ADRA1B: variants seen among roughly 807,000 people sequenced by gnomAD.
ADRA1B encodes alpha-1B adrenergic receptor.
In ADRA1B, 17 loss-of-function variants were observed where a neutral mutation model predicts 17.9. The observed-to-expected ratio is 0.95, with a 90% CI of 0.65 to 1.42. The LOEUF (loss-of-function observed/expected upper bound fraction) is 1.42. Ranked by LOEUF, ADRA1B falls within the 40% of genes most tolerant of loss-of-function variation. ADRA1B has a pLI of 0.00. For missense variants in ADRA1B, 681 were observed against 722.1 expected (o/e 0.94, Z 0.65); for synonymous variants, 366 against 327.6 (o/e 1.12, Z -1.27).
At chr5:159,874,455 T>A (rs924416839) in intron 1 of ADRA1B, among the ~76,000 whole-genome samples, 1 of 152,182 alleles carries the variant, frequency 6.6e-6, no homozygotes, top group Non-Finnish European at 1.5e-5. Context: ...ACCTTAACCT[T>A]CTTAGGTGTC....
chr5:159,955,321 G>A (rs1446291818), intron 1 of ADRA1B: 1 of 357,326 alleles, frequency 2.8e-6, no homozygotes, highest in Non-Finnish European at 3.9e-6. Context: ...GCCATCCAGG[G>A]GTCCAGACAT....
chr5:159,923,287 T>G (rs1754541658), intron 1 of ADRA1B, among the ~76,000 whole-genome samples: 1 of 152,284 alleles, frequency 6.6e-6, no homozygotes, highest in Non-Finnish European at 1.5e-5. Context: ...AAAGATACTG[T>G]CTGAATCGTG....
chr5:159,948,313 T>G, intron 1 of ADRA1B: 1 of 985,446 alleles, frequency 1.0e-6, no homozygotes. Context: ...AAGCACTTTA[T>G]GCTCACCCTT....
intron 1 of ADRA1B, among the ~76,000 whole-genome samples, chr5:159,906,602 G>T (rs1754164578): frequency 1.3e-5 from 2 of 152,202 alleles, no homozygotes. Context: ...TCCCTGTAAA[G>T]TTTGAGCATA....
At chr5:159,960,891 G>A (rs777677308) in intron 1 of ADRA1B, among the ~76,000 whole-genome samples, 26 of 152,108 alleles carry the variant, frequency 1.7e-4, no homozygotes, top group Non-Finnish European at 3.7e-4. Context: ...TGCCTTTCAC[G>A]TGTCAGGCAC....
chr5:159,963,308 A>ATATATATATATATATATC (rs1491526458), intron 1 of ADRA1B, among the ~76,000 whole-genome samples: 2 of 149,740 alleles, frequency 1.3e-5, no homozygotes, highest in Non-Finnish European at 3.0e-5. Flanking sequence ...ATATATATAT[A>ATATATATATATATATATC]TCCACACACA....
Position 159,969,552 on chromosome 5 carries a change from A to G in ADRA1B, c.950-2327A>G, listed in dbSNP as rs370258777. On this transcript the variant is annotated intron_variant, in intron 1 of 1. Coordinates refer to ENST00000306675, the MANE Select transcript of ADRA1B (RefSeq NM_000679.4). ...GTCTTGGTGTCTCCACCTGCAAACT[A>G]GTTGGACTTGGCAGTTGCTAAGATC... Among the ~76,000 whole-genome samples, 85 of 152,322 alleles carry G rather than the reference A, an allele frequency of 5.6e-4. No homozygotes were observed. In the East Asian group the frequency reaches 0.012, roughly 21 times the overall value.
At chr5:159,959,023 A>T (rs1755617530) in intron 1 of ADRA1B, among the ~76,000 whole-genome samples, 1 of 152,182 alleles carries the variant, frequency 6.6e-6, no homozygotes, top group Admixed American at 6.5e-5. Flanking sequence ...TCAATCAGTT[A>T]ATCAGTGGTA....
At chr5:159,934,883 T>C (rs768567080) in intron 1 of ADRA1B, among the ~76,000 whole-genome samples, 16 of 151,264 alleles carry the variant, frequency 1.1e-4, no homozygotes, top group Non-Finnish European at 1.8e-4. Flanking sequence ...CTCAGCTTGC[T>C]AAGCCTCAGT....
chr5:159,968,606 C>T (rs1755815320), intron 1 of ADRA1B, among the ~76,000 whole-genome samples: 1 of 152,094 alleles, frequency 6.6e-6, no homozygotes, highest in Non-Finnish European at 1.5e-5. Context: ...TTACAGGATC[C>T]CACCTCGGGC....
At chr5:159,887,028 G>C (rs374966917) in intron 1 of ADRA1B, among the ~76,000 whole-genome samples, 3 of 152,124 alleles carry the variant, frequency 2.0e-5, no homozygotes, top group Non-Finnish European at 4.4e-5. Context: ...TGAGTGGATA[G>C]ATAACGTGTT....
In ADRA1B at chr5:159,972,173, G is replaced by C. The variant is rs1214706035; in HGVS notation, c.1244G>C (p.Ser415Thr). The change falls in exon 2 of 2, where the codon AGC (serine) becomes ACC (threonine). Residue 415 changes from serine (S) to threonine (T), a missense_variant. Physicochemically the swap from Ser to Thr is moderately conservative, Grantham distance 58. Coordinates refer to ENST00000306675, the MANE Select transcript of ADRA1B (RefSeq NM_000679.4). ...CTGGACGACAGCGGCAGCTGCCTGAGCGGCAGCCAGCGGACCCTGCCCTCG... is the reference window on the plus strand; with the variant it reads ...CTGGACGACAGCGGCAGCTGCCTGACCGGCAGCCAGCGGACCCTGCCCTCG... ...DSLDDSGSCL[S>T]GSQRTLPSAS... The C allele has an allele frequency of 2.5e-5, 34 of 1,362,946 alleles. No homozygotes were observed. Among genetic ancestry groups the C allele is most frequent in the Non-Finnish European group, 3.2e-5 (34 of 1,051,292 alleles). The allele number at this position is 1,362,946 out of a possible 1,614,324, so 84.4% of individuals were successfully genotyped here.
rs536977723 is a variant in ADRA1B, at chr5:159,961,170, T to C, written c.950-10709T>C. Among the ~76,000 whole-genome samples the C allele has an allele frequency of 1.6e-3, 238 of 152,328 alleles. 1 individual carries two copies. Among genetic ancestry groups the C allele is most frequent in the Non-Finnish European group, 2.5e-3 (171 of 68,020 alleles). On this transcript the variant is annotated intron_variant, in intron 1 of 1. Transcript: ENST00000306675. ...ACGAGTAAAAACCCACACTTCAAAA[T>C]TGGATTTTAATTAGAGTCCACCACA...
At chr5:159,987,053 C>G in the ADRA1B span, among the ~76,000 whole-genome samples, 1 of 152,230 alleles carries the variant, frequency 6.6e-6, no homozygotes, top group African/African-American at 2.4e-5. Flanking sequence ...CCCGTCACTT[C>G]CCAGGTGGTT....
chr5:159,927,049 T>G (rs1257791098), intron 1 of ADRA1B, among the ~76,000 whole-genome samples: 1 of 152,162 alleles, frequency 6.6e-6, no homozygotes, highest in African/African-American at 2.4e-5. Flanking sequence ...GGCCTGGTCA[T>G]GAAGCCGGTG....
At position 159,917,417 on chromosome 5, in the gene ADRA1B, T is replaced by C; in HGVS notation, c.512T>C (p.Val171Ala). 1 of 1,614,062 alleles carries C rather than the reference T, an allele frequency of 6.2e-7. No individual in the cohort carries two copies. Among genetic ancestry groups the C allele is most frequent in the Non-Finnish European group, 8.5e-7 (1 of 1,180,004 alleles). The stretch of plus-strand genomic sequence containing the variant: ...ATCTTGGCGCTGCTCAGTGTCTGGG[T>C]CTTGTCCACCGTCATCTCCATCGGG... Reference protein sequence around the residue: ...KAILALLSVWVLSTVISIGPL... With the variant: ...KAILALLSVWALSTVISIGPL... Residue 171 changes from valine (V) to alanine (A), a missense_variant, in exon 1 of 2, where the codon GTC becomes GCC. This residue lies in a region of ADRA1B where 424 missense variants were observed against 480.2 expected (regional missense o/e 0.88). Transcript: ENST00000306675.
At position 159,939,320 on chromosome 5, in the gene ADRA1B, T is replaced by TGCGCGC. The variant is rs1170671488; in HGVS notation, c.949+21467_949+21468insCGCGCG. On this transcript the variant is annotated intron_variant, in intron 1 of 1. Transcript: ENST00000306675. ...GTGTGTGTGTGTGTGTGTGTGTGTG[T>TGCGCGC]GTGCGCGCGCGCGCGCACACAATGC... Among the ~76,000 whole-genome samples the TGCGCGC allele has an allele frequency of 8.6e-4, 93 of 108,178 alleles. 1 individual carries two copies. Among genetic ancestry groups the TGCGCGC allele is most frequent in the East Asian group, 6.8e-3 (24 of 3,524 alleles). The allele number at this position is 108,178 out of a possible 152,430, so 71.0% of individuals were successfully genotyped here.
chr5:159,895,666 G>GT (rs1239146801), intron 1 of ADRA1B, among the ~76,000 whole-genome samples: 1 of 152,054 alleles, frequency 6.6e-6, no homozygotes, highest in Non-Finnish European at 1.5e-5. Context: ...ACTTGTAAAA[G>GT]TTGAAGAAAA....
intron 1 of ADRA1B, among the ~76,000 whole-genome samples, chr5:159,904,646 A>G (rs1754139559): frequency 6.6e-6 from 1 of 152,206 alleles, no homozygotes; most frequent in South Asian, 2.1e-4. Context: ...GCCCACTCCA[A>G]AGTGCATTAT....
Sources: gnomAD v4.1 joint callset for allele counts (sites outside exome capture counted in the v4.1 genomes callset) on GRCh38, gnomAD v4.1.1 for gene constraint, gnomAD v4.1.1 regional missense constraint, MANE v1.5 for transcripts, NCBI Gene and HGNC (gene_info 2026-07-23, HGNC 2026-07-21) for gene names.